Variants in CIITA observed in about 807,000 individuals in gnomAD.
The protein encoded by CIITA is class II major histocompatibility complex transactivator.
A neutral mutation model predicts 115.1 loss-of-function variants in CIITA; 72 were observed. The ratio of observed to expected loss-of-function variants is 0.63; its 90% CI spans 0.52 to 0.76. CIITA has a LOEUF of 0.76. Ranked by LOEUF, CIITA falls within the 30% of genes least tolerant of loss-of-function variation. The pLI, the probability that CIITA is intolerant of heterozygous loss-of-function variation, is 0.00. For missense variants in CIITA, 1,617 were observed against 1,463.8 expected, an observed-to-expected ratio of 1.10 and a Z score of -1.71; for synonymous variants, 763 against 635.6, an observed-to-expected ratio of 1.20 and a Z score of -3.02.
rs906232975 is a variant in CIITA at position 10,927,794 on chromosome 16, T to C, written c.*3939T>C. 2.0e-5 allele frequency: 3 copies of C among 152,196 alleles called. No homozygotes were observed. Among genetic ancestry groups the C allele is most frequent in the African/African-American group, 4.8e-5 (2 of 41,432 alleles). The allele number at this position is 152,196 out of a possible 1,614,324, so 9.4% of individuals were successfully genotyped here. ...AGTGATACTTATAGTCACACTCCTA[T>C]AAAGGAATGGACTTCTGACTTCTTT... On this transcript the variant is annotated 3_prime_UTR_variant, in exon 20 of 20. Coordinates refer to ENST00000324288, the MANE Select transcript of CIITA (RefSeq NM_000246.4).
chr16:10,911,426 CTT>C (rs2039572417), intron 13 of CIITA, among the ~76,000 whole-genome samples: 1 of 145,508 alleles, frequency 6.9e-6, no homozygotes. Flanking sequence ...CTCTCTCTTT[CTT>C]TCTTTCTTTC....
chr16:10,922,983 A>G (rs2040356184), intron 18 of CIITA: 1 of 572,214 alleles, frequency 1.7e-6, no homozygotes. Flanking sequence ...AGGAAAATAA[A>G]GCACAGAGCA....
rs1259361697 is a variant in CIITA, at chr16:10,877,301, G to A, written c.-30G>A. 2 of 1,608,652 alleles carry A rather than the reference G, an allele frequency of 1.2e-6. No homozygotes were observed. The highest frequency in any genetic ancestry group is 1.7e-6 in the Non-Finnish European group (2 of 1,177,148). On this transcript the variant is annotated 5_prime_UTR_variant, in exon 1 of 20. Coordinates refer to ENST00000324288, the MANE Select transcript of CIITA (RefSeq NM_000246.4). ...ACGAGGAGGGGCTGCCAGACTCCGG[G>A]AGCTGCTGCCTGGCTGGGATTCCTA... is the stretch of plus-strand genomic sequence containing the variant.
rs146686420 is a variant in CIITA at position 10,898,121 on chromosome 16, T to G, written c.296-549T>G. ...TTGCCCTATTCCACCATACACCTTT[T>G]TTCTCGGACTTCATGTCATGGTGCC... On this transcript the variant is annotated intron_variant, in intron 3 of 19. Transcript: ENST00000324288. Among the ~76,000 whole-genome samples the G allele has an allele frequency of 9.9e-4, 151 of 152,286 alleles. 1 individual carries two copies. The highest frequency in any genetic ancestry group is 3.3e-3 in the African/African-American group (137 of 41,566).
downstream of CIITA, chr16:10,938,445 C>A (rs184074963): frequency 4.6e-5 from 7 of 151,980 alleles, no homozygotes; most frequent in African/African-American, 1.5e-4. This position sits in a 1 kb window ranked among gnomAD's most constrained non-coding sequence, Gnocchi z 4.9. Flanking sequence ...CACTGTGTGA[C>A]ATGCTCCACG....
chr16:10,937,928 G>C (rs920154051), downstream of CIITA: 2 of 152,276 alleles, frequency 1.3e-5, no homozygotes, highest in Non-Finnish European at 2.9e-5. This position sits in a 1 kb window ranked among gnomAD's most constrained non-coding sequence, Gnocchi z 4.2. Context: ...AGAGTGGGAA[G>C]TCTCCCCCAG....
intron 15 of CIITA, among the ~76,000 whole-genome samples, chr16:10,917,177 A>AT (rs1014472272): frequency 1.3e-5 from 2 of 151,840 alleles, no homozygotes; most frequent in East Asian, 1.9e-4. Flanking sequence ...GATCAATGTG[A>AT]TTTTTTTTCT....
Position 10,929,338 on chromosome 16 carries a change from G to C in CIITA, c.*5483G>C. 1 of 985,956 alleles carries C rather than the reference G, an allele frequency of 1.0e-6. No individual in the cohort carries two copies. The highest frequency in any genetic ancestry group is 1.2e-6 in the Non-Finnish European group (1 of 829,988). 61.1% of individuals were successfully genotyped at this position (985,956 alleles called of 1,614,324 possible). ...GTGCAGGGAGGCAAACTCTGGCTGG[G>C]TTCCTGTAAACATCCATCGCAGCTG... On this transcript the variant is annotated 3_prime_UTR_variant, in exon 20 of 20. Transcript: ENST00000324288. This position sits in a 1 kb window ranked among gnomAD's most constrained non-coding sequence, Gnocchi z 4.3.
chr16:10,889,862 T>C (rs1434242231), intron 1 of CIITA, among the ~76,000 whole-genome samples: 1 of 152,212 alleles, frequency 6.6e-6, no homozygotes, highest in Non-Finnish European at 1.5e-5. Flanking sequence ...GTGACTTGGC[T>C]AAGGCATCAC....
intron 1 of CIITA, chr16:10,866,397 C>T (rs1245320033): frequency 3.5e-6 from 2 of 566,622 alleles, no homozygotes; most frequent in African/African-American, 3.7e-5. Flanking sequence ...AGGACCTCCT[C>T]TCCAGGGAAT....
rs1357870557 is a variant in CIITA, at chr16:10,922,437, G to A, written c.3264G>A (p.Gly1088=). The A allele has an allele frequency of 1.2e-6, 2 of 1,614,092 alleles. No homozygotes were observed. The highest frequency in any genetic ancestry group is 1.3e-5 in the African/African-American group (1 of 74,946). The part of the protein sequence containing the change: ...DVQYNKFTAA[G]AQQLAASLRR... ...AGTACAACAAGTTCACGGCTGCCGG[G>A]GCCCAGCAGCTCGCTGCCAGCCTTC... The change falls in exon 18 of 20, where the codon GGG becomes GGA. Residue 1088 remains glycine, a synonymous_variant. Transcript: ENST00000324288.
intron 9 of CIITA, 58 bp downstream of exon 9, chr16:10,903,953 G>A (rs1343740148): frequency 6.2e-7 from 1 of 1,609,368 alleles, no homozygotes; most frequent in Non-Finnish European, 8.5e-7. Context: ...CCCTGGGGAA[G>A]GAATTGTCTC....
intron 1 of CIITA, among the ~76,000 whole-genome samples, chr16:10,885,975 T>C (rs2036903010): frequency 6.6e-6 from 1 of 152,162 alleles, no homozygotes; most frequent in African/African-American, 2.4e-5. Context: ...TTAATGTCCC[T>C]ATTTCCCATA....
At chr16:10,871,892 C>G (rs2035510010) in intron 1 of CIITA, among the ~76,000 whole-genome samples, 1 of 152,202 alleles carries the variant, frequency 6.6e-6, no homozygotes, top group Admixed American at 6.5e-5. Context: ...TGGGTTTTCC[C>G]AGGCCAGCCT....
intron 1 of CIITA, among the ~76,000 whole-genome samples, chr16:10,881,419 C>A (rs1486438239): frequency 6.6e-6 from 1 of 152,202 alleles, no homozygotes; most frequent in Non-Finnish European, 1.5e-5. Context: ...ACCACCGATT[C>A]TCATAGGAAG....
chr16:10,941,712 G>C lies in CIITA; in HGVS notation n.838G>C, dbSNP rs747276966. 4 of 1,602,370 alleles carry C rather than the reference G, an allele frequency of 2.5e-6. No individual in the cohort carries two copies. In the African/African-American group the frequency reaches 4.0e-5, roughly 16 times the overall value. ...TGTAGGGAAGAGGGGAACAGCAGTC[G>C]AGACCCTACTCCAAGTACGCATCAA... On this transcript the variant is annotated non_coding_transcript_exon_variant, in exon 2 of 2. Transcript: ENST00000573379. This position sits in a 1 kb window ranked among gnomAD's most constrained non-coding sequence, Gnocchi z 6.4.
At position 10,907,239 on chromosome 16, in the gene CIITA, G is replaced by A; in HGVS notation, c.1747G>A (p.Glu583Lys). 3 of 1,613,458 alleles carry A rather than the reference G, an allele frequency of 1.9e-6. No individual in the cohort carries two copies. Among genetic ancestry groups the A allele is most frequent in the Non-Finnish European group, 2.5e-6 (3 of 1,179,968 alleles). The change falls in exon 11 of 20, where the codon GAG becomes AAG. Residue 583 changes from glutamate (E) to lysine (K), a missense_variant. By Grantham distance (56) the Glu-to-Lys change is moderately conservative (BLOSUM62 1). Coordinates refer to ENST00000324288, the MANE Select transcript of CIITA (RefSeq NM_000246.4). The surrounding 1 kb of genome is among the most constrained non-coding windows in gnomAD (Gnocchi z 5.0). ...QAQAYVMRYF[E>K]SSGMTEHQDR... is the part of the protein sequence containing the mutation. ...CCAGGCATACGTGATGCGCTACTTT[G>A]AGAGCTCAGGGATGACAGAGCACCA... is the stretch of plus-strand genomic sequence containing the variant.
intron 1 of CIITA, among the ~76,000 whole-genome samples, chr16:10,887,183 T>C (rs1312928433): frequency 6.6e-6 from 1 of 152,118 alleles, no homozygotes; most frequent in Non-Finnish European, 1.5e-5. Flanking sequence ...GCCCCTGGCT[T>C]CCCAACACCA....
At chr16:10,918,888 T>C (rs1270524836) in intron 16 of CIITA, among the ~76,000 whole-genome samples, 1 of 152,166 alleles carries the variant, frequency 6.6e-6, no homozygotes, top group African/African-American at 2.4e-5. Flanking sequence ...ACGTCAGCTT[T>C]TGCCGGCCTT....
Sources: allele counts gnomAD v4.1 joint callset (sites outside exome capture counted in the v4.1 genomes callset), GRCh38; gene constraint gnomAD v4.1.1; non-coding constraint Gnocchi (gnomAD v3.1); transcripts MANE v1.5; gene names NCBI Gene and HGNC (gene_info 2026-07-23, HGNC 2026-07-21).